AKAP12: variants seen among roughly 807,000 people sequenced by gnomAD.
The protein encoded by AKAP12 is A-kinase anchor protein 12.
AKAP12 carries 32 observed loss-of-function variants against 79.9 expected under a neutral mutation model. The observed-to-expected ratio is 0.40, with a 90% CI of 0.30 to 0.54. The LOEUF (loss-of-function observed/expected upper bound fraction) is 0.54. AKAP12 is among the 20% of genes least tolerant of loss of function. AKAP12 has a pLI of 0.48. For synonymous variants in AKAP12, 808 were observed against 857.0 expected (o/e 0.94, Z 1.00); for missense variants, 2,074 against 2,177.0 (o/e 0.95, Z 0.94).
At chr6:151,310,863 C>T (rs528830654) in intron 3 of AKAP12, among the ~76,000 whole-genome samples, 42 of 152,280 alleles carry the variant, frequency 2.8e-4, no homozygotes, top group African/African-American at 4.8e-4. Flanking sequence ...CTGCAGAGTA[C>T]GTACAGCAAA....
At chr6:151,303,146 T>C (rs185476263) in intron 2 of AKAP12, among the ~76,000 whole-genome samples, 4 of 152,208 alleles carry the variant, frequency 2.6e-5, no homozygotes, top group Middle Eastern at 3.4e-3. Context: ...TGAGCCAAGA[T>C]CATGCCATTG....
In AKAP12 at chr6:151,258,050, G is replaced by T. The variant is rs562629735; in HGVS notation, c.162+17326G>T. Among the ~76,000 whole-genome samples, 77 of 152,294 alleles carry T rather than the reference G, an allele frequency of 5.1e-4. 1 individual carries two copies. The highest frequency in any genetic ancestry group is 1.6e-3 in the African/African-American group (68 of 41,550). On this transcript the variant is annotated intron_variant, in intron 2 of 4. Transcript: ENST00000402676. ...TGCATGTGGAGCTAACCCTCCTGGGGCAAGCCACTTATGCCTACAAACTCT... is the reference window on the plus strand; with the variant it reads ...TGCATGTGGAGCTAACCCTCCTGGGTCAAGCCACTTATGCCTACAAACTCT...
intron 2 of AKAP12, among the ~76,000 whole-genome samples, chr6:151,289,712 A>G (rs1191208758): frequency 6.6e-6 from 1 of 152,224 alleles, no homozygotes; most frequent in Non-Finnish European, 1.5e-5. Context: ...GAATGTCTTG[A>G]TCAATACATT....
At chr6:151,321,903 G>GT (rs11415941) in intron 3 of AKAP12, among the ~76,000 whole-genome samples, 6,452 of 67,182 alleles carry the variant, frequency 0.096, 826 homozygotes, top group African/African-American at 0.24. Context: ...TCAGCTTTAT[G>GT]TTTTTTTTTT....
At chr6:151,278,185 ATGT>A (rs945390725) in intron 2 of AKAP12, among the ~76,000 whole-genome samples, 92 of 150,358 alleles carry the variant, frequency 6.1e-4, no homozygotes, top group African/African-American at 1.8e-3. Context: ...GGGAATTCAG[ATGT>A]TGTGTTTTTT....
chr6:151,340,554 A>G (rs1209780350), intron 3 of AKAP12, among the ~76,000 whole-genome samples: 1 of 152,214 alleles, frequency 6.6e-6, no homozygotes. Flanking sequence ...TGGAGGGAGC[A>G]GGTGAGCTCC....
At chr6:151,241,862 C>G (rs1311844424) in intron 2 of AKAP12, among the ~76,000 whole-genome samples, 1 of 150,042 alleles carries the variant, frequency 6.7e-6, no homozygotes, top group Non-Finnish European at 1.5e-5. Context: ...CAACCATGAC[C>G]TAATTGCCTT....
At chr6:151,278,975 T>C (rs1173649012) in intron 2 of AKAP12, among the ~76,000 whole-genome samples, 1 of 152,236 alleles carries the variant, frequency 6.6e-6, no homozygotes, top group Non-Finnish European at 1.5e-5. Context: ...CGGTAGTATC[T>C]AGTTCTTAAC....
chr6:151,254,494 G>A (rs935547013), intron 2 of AKAP12, among the ~76,000 whole-genome samples: 1 of 152,118 alleles, frequency 6.6e-6, no homozygotes, highest in Non-Finnish European at 1.5e-5. Flanking sequence ...TGGGATTACA[G>A]GCATGCGCCA....
intron 2 of AKAP12, among the ~76,000 whole-genome samples, chr6:151,259,783 C>G (rs565560604): frequency 6.7e-4 from 102 of 151,920 alleles, no homozygotes; most frequent in African/African-American, 2.4e-3. Context: ...CAGCATGTTG[C>G]CCAGGCTGGT....
Position 151,351,087 on chromosome 6 carries a change from G to A in AKAP12, c.2696G>A (p.Gly899Glu). 1.2e-6 allele frequency: 2 copies of A among 1,614,160 alleles called. No homozygotes were observed. The highest frequency in any genetic ancestry group is 8.5e-7 in the Non-Finnish European group (1 of 1,180,030). ...ATGATGGCAGCAGCTGTCGCTGACG[G>A]GACGAGGGCAGCTACCATTATTGAA... Reference protein sequence around the residue: ...VHMMAAAVADGTRAATIIEER... With the variant: ...VHMMAAAVADETRAATIIEER... Residue 899 changes from glycine to glutamate, a missense_variant, in exon 4 of 5, where the codon GGG (glycine) becomes GAG (glutamate). Transcript: ENST00000402676. The surrounding 1 kb of genome is among the most constrained non-coding windows in gnomAD (Gnocchi z 4.4).
intron 3 of AKAP12, among the ~76,000 whole-genome samples, chr6:151,318,212 G>A (rs1320701196): frequency 6.6e-6 from 1 of 152,132 alleles, no homozygotes; most frequent in African/African-American, 2.4e-5. Flanking sequence ...AAGAATCCAG[G>A]ACTACCAGAT....
At chr6:151,335,901 T>C (rs1315812661) in intron 3 of AKAP12, among the ~76,000 whole-genome samples, 1 of 152,228 alleles carries the variant, frequency 6.6e-6, no homozygotes, top group African/African-American at 2.4e-5. Flanking sequence ...AATACTATTT[T>C]TCAACTCTCA....
chr6:151,338,069 T>C (rs1472511131), intron 3 of AKAP12, among the ~76,000 whole-genome samples: 5 of 152,220 alleles, frequency 3.3e-5, no homozygotes, highest in Admixed American at 1.3e-4. Flanking sequence ...AAGTAAGTTA[T>C]ATACATCATG....
intron 3 of AKAP12, among the ~76,000 whole-genome samples, chr6:151,315,071 A>G (rs1400789256): frequency 6.7e-6 from 1 of 148,350 alleles, no homozygotes; most frequent in Non-Finnish European, 1.5e-5. Context: ...AAAAAAAAAG[A>G]TTTAGGCCCT....
intron 3 of AKAP12, among the ~76,000 whole-genome samples, chr6:151,327,417 A>C (rs1777556921): frequency 6.6e-6 from 1 of 152,062 alleles, no homozygotes; most frequent in South Asian, 2.1e-4. Flanking sequence ...AAAACACAAA[A>C]ATCTCCATTT....
intron 3 of AKAP12, among the ~76,000 whole-genome samples, chr6:151,321,493 T>C (rs939979741): frequency 8.6e-5 from 13 of 150,890 alleles, no homozygotes; most frequent in Admixed American, 2.0e-4. Flanking sequence ...TATTCATCTA[T>C]GTTATGGCAT....
intron 3 of AKAP12, among the ~76,000 whole-genome samples, chr6:151,311,254 C>T (rs1777093587): frequency 6.6e-6 from 1 of 152,234 alleles, no homozygotes; most frequent in Non-Finnish European, 1.5e-5. Context: ...CAGAAGTGAG[C>T]CACCACAGCC....
intron 2 of AKAP12, among the ~76,000 whole-genome samples, chr6:151,246,728 AATTTTCATTTTC>A (rs967330404): frequency 1.2e-4 from 19 of 152,236 alleles, no homozygotes; most frequent in South Asian, 2.1e-4. Context: ...ACTGTTAATT[AATTTTCATTTTC>A]ATTTTCATTT....
Sources: allele counts gnomAD v4.1 joint callset (sites outside exome capture counted in the v4.1 genomes callset), GRCh38; gene constraint gnomAD v4.1.1; non-coding constraint Gnocchi (gnomAD v3.1); transcripts MANE v1.5; gene names NCBI Gene and HGNC (gene_info 2026-07-23, HGNC 2026-07-21).